The following SPTB variants were observed in gnomAD, a reference collection of about 807,000 sequenced individuals.
SPTB encodes the protein spectrin beta, erythrocytic, also known as spectrin beta chain, erythrocytic.
Under a neutral mutation model 256.2 loss-of-function variants are expected in SPTB, and 45 were observed. The observed-to-expected ratio is 0.18, with a 90% confidence interval of 0.14 to 0.23. The LOEUF (loss-of-function observed/expected upper bound fraction) is 0.23, where lower values mean the gene tolerates loss of function less well. Ranked by LOEUF, SPTB falls within the 10% of genes least tolerant of loss-of-function variation. The pLI is 1.00. For synonymous variants in SPTB, 1,231 were observed against 1,243.1 expected, an observed-to-expected ratio of 0.99 and a Z score of 0.21; for missense variants, 2,715 against 3,040.4, an observed-to-expected ratio of 0.89 and a Z score of 2.52.
chr14:64,759,145 C>G lies in SPTB; in HGVS notation c.6346-5352G>C, dbSNP rs780199959. On this transcript the variant is annotated intron_variant, in intron 32 of 35. Transcript: ENST00000644917. The surrounding 1 kb of genome is among the most constrained non-coding windows in gnomAD (Gnocchi z 4.8). ...ATTAGAGCACACAGCAAGTCAGTAG[C>G]AGAGCTGAGGCAAGAATCCATGGCC... Among the ~76,000 whole-genome samples the G allele has an allele frequency of 6.6e-5, 10 of 152,190 alleles. No homozygotes were observed. Among genetic ancestry groups the G allele is most frequent in the Non-Finnish European group, 1.2e-4 (8 of 68,038 alleles).
intron 1 of SPTB, among the ~76,000 whole-genome samples, chr14:64,875,935 C>T (rs1882803479): frequency 6.6e-6 from 1 of 152,012 alleles, no homozygotes; most frequent in Non-Finnish European, 1.5e-5. Context: ...TTTTAAAATT[C>T]CATAACAAAG....
At chr14:64,842,240 C>T (rs1289179164) in intron 1 of SPTB, among the ~76,000 whole-genome samples, 1 of 152,212 alleles carries the variant, frequency 6.6e-6, no homozygotes, top group East Asian at 1.9e-4. Flanking sequence ...CTGCAAGCAA[C>T]TCTAAAATGC....
rs1436182283 is a variant in SPTB, at chr14:64,807,288, TG to T, written c.149-2199del. 6.6e-5 allele frequency among the ~76,000 whole-genome samples: 10 copies of T among 152,294 alleles called. No individual in the cohort carries two copies. Among genetic ancestry groups the T allele is most frequent in the Non-Finnish European group, 7.4e-5 (5 of 68,020 alleles). On this transcript the variant is annotated intron_variant, in intron 2 of 35. Coordinates refer to ENST00000644917, the MANE Select transcript of SPTB (RefSeq NM_001355436.2). This position sits in a 1 kb window ranked among gnomAD's most constrained non-coding sequence, Gnocchi z 4.7. The stretch of plus-strand genomic sequence containing the variant: ...TTAAGAATGCAAACATTTCATTACG[TG>T]GGTGCTGAGAACTATTTATCTGTGC...
intron 24 of SPTB, 72 bp downstream of exon 24, chr14:64,774,325 A>G: frequency 6.6e-7 from 1 of 1,515,182 alleles, no homozygotes. Flanking sequence ...TTAAATCTGA[A>G]GGGACGTTGG....
In SPTB at chr14:64,795,767, G is replaced by T. The variant is rs1357361644; in HGVS notation, c.1342-128C>A. On this transcript the variant is annotated intron_variant, in intron 11 of 35. Transcript: ENST00000644917. The surrounding 1 kb of genome is among the most constrained non-coding windows in gnomAD (Gnocchi z 6.5). The stretch of plus-strand genomic sequence containing the variant: ...AAAGCACATTCCCAAGAAGCAGCTA[G>T]TTCTGCCTTACTTTTGCAGCCTGTC... The T allele has an allele frequency of 2.0e-6, 2 of 985,240 alleles. No individual in the cohort carries two copies. Among genetic ancestry groups the T allele is most frequent in the Non-Finnish European group, 3.1e-6 (2 of 645,086 alleles). The allele number at this position is 985,240 out of a possible 1,614,324, so 61.0% of individuals were successfully genotyped here.
chr14:64,785,237 T>C lies in SPTB; in HGVS notation c.3855+300A>G, dbSNP rs1594773147. Among the ~76,000 whole-genome samples, 2 of 152,080 alleles carry C rather than the reference T, an allele frequency of 1.3e-5. No individual in the cohort carries two copies. The highest frequency in any genetic ancestry group is 3.9e-4 in the East Asian group (2 of 5,184). On this transcript the variant is annotated intron_variant, in intron 18 of 35. Transcript: ENST00000644917. This position sits in a 1 kb window ranked among gnomAD's most constrained non-coding sequence, Gnocchi z 4.4. ...CACAGGGTGTGACACAGGTCACACA[T>C]CCTCAAAGCTGGCCCAGACTGGGTC... is the stretch of plus-strand genomic sequence containing the variant.
At chr14:64,787,733 T>C (rs541123943) in intron 15 of SPTB, among the ~76,000 whole-genome samples, 28 of 152,338 alleles carry the variant, frequency 1.8e-4, no homozygotes, top group Admixed American at 1.3e-3. Context: ...TTTAAGTGAC[T>C]AGCATAATCT....
At chr14:64,808,036 C>T (rs940388270) in intron 2 of SPTB, among the ~76,000 whole-genome samples, 6 of 152,344 alleles carry the variant, frequency 3.9e-5, no homozygotes, top group South Asian at 4.1e-4. Context: ...TTCTTTTCAA[C>T]GGAGTCTCGC....
intron 1 of SPTB, among the ~76,000 whole-genome samples, chr14:64,828,151 G>A (rs1049940491): frequency 2.0e-5 from 3 of 152,156 alleles, no homozygotes; most frequent in South Asian, 2.1e-4. Flanking sequence ...TGGTCATTCT[G>A]GTCGACTGCT....
rs181472354 is a variant in SPTB at position 64,873,680 on chromosome 14, A to C, written c.-52+6112T>G. 7.8e-3 allele frequency among the ~76,000 whole-genome samples: 1,189 copies of C among 152,316 alleles called. 11 individuals carry two copies. The highest frequency in any genetic ancestry group is 0.013 in the Non-Finnish European group (883 of 68,018). ...CTTATGTGGAATATTCTGCTGAAGA[A>C]AAAAAGCAACCGCGGTCTCAACCAG... On this transcript the variant is annotated intron_variant, in intron 1 of 35. Transcript: ENST00000644917. The surrounding 1 kb of genome is among the most constrained non-coding windows in gnomAD (Gnocchi z 4.3).
chr14:64,848,562 T>C (rs1290845488), intron 1 of SPTB, among the ~76,000 whole-genome samples: 4 of 152,236 alleles, frequency 2.6e-5, no homozygotes, highest in Non-Finnish European at 5.9e-5. Context: ...TTTTCATCAA[T>C]ATTGTTGATA....
At position 64,796,408 on chromosome 14, in the gene SPTB, C is replaced by A; in HGVS notation, c.1341+149G>T. On this transcript the variant is annotated intron_variant, in intron 11 of 35. Transcript: ENST00000644917. The surrounding 1 kb of genome is among the most constrained non-coding windows in gnomAD (Gnocchi z 4.1). ...ATCCTGGAGAGCTCCTCCCCAGATG[C>A]AAATCTTGATCCACTGGATCACGGG... 9.5e-7 allele frequency: 1 copy of A among 1,048,572 alleles called. No individual in the cohort carries two copies. Among genetic ancestry groups the A allele is most frequent in the Non-Finnish European group, 1.4e-6 (1 of 695,460 alleles). 65.0% of individuals were successfully genotyped at this position (1,048,572 alleles called of 1,614,324 possible).
At position 64,760,474 on chromosome 14, in the gene SPTB, C is replaced by T. The variant is rs941156836; in HGVS notation, c.6345+6252G>A. Among the ~76,000 whole-genome samples the T allele has an allele frequency of 1.3e-5, 2 of 152,156 alleles. No homozygotes were observed. Among genetic ancestry groups the T allele is most frequent in the South Asian group, 2.1e-4 (1 of 4,816 alleles). ...AGGTTCTGAAGATGCTCAGAGAACC[C>T]GGATGCATTTACAAGCAAAGAACAC... On this transcript the variant is annotated intron_variant, in intron 32 of 35. Transcript: ENST00000644917. The surrounding 1 kb of genome is among the most constrained non-coding windows in gnomAD (Gnocchi z 4.3).
chr14:64,765,278 C>A (rs1164716310), intron 32 of SPTB, among the ~76,000 whole-genome samples: 1 of 152,088 alleles, frequency 6.6e-6, no homozygotes, highest in Non-Finnish European at 1.5e-5. Flanking sequence ...GCTCCCTTGG[C>A]CCCCAGTGCA....
intron 26 of SPTB, among the ~76,000 whole-genome samples, chr14:64,771,622 T>A (rs1163214400): frequency 6.6e-6 from 1 of 152,166 alleles, no homozygotes; most frequent in Non-Finnish European, 1.5e-5. Context: ...AACCATTCTG[T>A]GTGCTGCCTC....
intron 26 of SPTB, among the ~76,000 whole-genome samples, chr14:64,771,991 C>G (rs970379984): frequency 6.6e-6 from 1 of 152,196 alleles, no homozygotes; most frequent in Non-Finnish European, 1.5e-5. Flanking sequence ...GGGCACCCTA[C>G]GGATCTGCGG....
At chr14:64,858,011 G>A (rs1275165574) in intron 1 of SPTB, among the ~76,000 whole-genome samples, 1 of 152,180 alleles carries the variant, frequency 6.6e-6, no homozygotes, top group Non-Finnish European at 1.5e-5. Context: ...TCTGCAAGGT[G>A]GGTATTATTT....
intron 1 of SPTB, among the ~76,000 whole-genome samples, chr14:64,869,781 C>A (rs1882420385): frequency 7.8e-6 from 1 of 128,362 alleles, no homozygotes; most frequent in Admixed American, 9.1e-5. Context: ...TGCCACGATG[C>A]CCTGCTTTTT....
rs561448189 is a variant in SPTB at position 64,752,446 on chromosome 14, C to T, written c.6602+1091G>A. 57 of 389,086 alleles carry T rather than the reference C, an allele frequency of 1.5e-4. No homozygotes were observed. In the Middle Eastern group the frequency reaches 1.7e-3, roughly 12 times the overall value. 24.1% of individuals were successfully genotyped at this position (389,086 alleles called of 1,614,324 possible). Reference sequence around the variant, plus strand: ...TTACGAAGCCCCATTTCTGACTCCGCGCTCAGGGATCTTTCCTCTGGCAGA... The same window carrying T: ...TTACGAAGCCCCATTTCTGACTCCGTGCTCAGGGATCTTTCCTCTGGCAGA... On this transcript the variant is annotated intron_variant, in intron 33 of 35. Transcript: ENST00000644917.
Sources: allele counts gnomAD v4.1 joint callset (sites outside exome capture counted in the v4.1 genomes callset), GRCh38; gene constraint gnomAD v4.1.1; non-coding constraint Gnocchi (gnomAD v3.1); transcripts MANE v1.5; gene names NCBI Gene and HGNC (gene_info 2026-07-23, HGNC 2026-07-21).